Variants in AATK observed in about 807,000 individuals in gnomAD.
AATK encodes lemur tail kinase 1.
Under a neutral mutation model 114.3 loss-of-function variants are expected in AATK, and 91 were observed. The observed-to-expected ratio is 0.80, with a 90% CI of 0.67 to 0.95. The LOEUF is 0.95. Ranked by LOEUF, AATK falls within the 40% of genes least tolerant of loss-of-function variation. AATK has a pLI of 0.00. For synonymous variants in AATK, 1,075 were observed against 916.5 expected (o/e 1.17, Z -3.12); for missense variants, 2,176 against 1,965.2 (o/e 1.11, Z -2.03).
chr17:81,128,017 C>CTTCTCCTCCTGTGCCCCGTCCACT, intron 4 of AATK, 107 bp from the exon 5 acceptor site: 1 of 1,358,012 alleles, frequency 7.4e-7, no homozygotes, highest in Non-Finnish European at 1.0e-6. Context: ...GGACAGGACA[C>CTTCTCCTCCTGTGCCCCGTCCACT]TTCTCCTCCT....
chr17:81,123,112 G>C lies in AATK; in HGVS notation c.1112+82C>G, dbSNP rs972376773. The C allele has an allele frequency of 2.2e-6, 3 of 1,349,084 alleles. No individual in the cohort carries two copies. The African/African-American group carries it at 4.6e-5, about 21-fold the overall frequency. 83.6% of individuals were successfully genotyped at this position (1,349,084 alleles called of 1,614,324 possible). A position where few individuals can be genotyped will look rare whatever the true frequency, so the allele number is the denominator to read the frequency against. On this transcript the variant is annotated intron_variant, in intron 10 of 13. Coordinates refer to ENST00000326724, the MANE Select transcript of AATK (RefSeq NM_001080395.3). Reference sequence around the variant, plus strand: ...CCAGGCAGGGCTGGAACGCCAGGGGGTCAGGGTGAGCCGCCTCTGCCTGGG... The same window carrying C: ...CCAGGCAGGGCTGGAACGCCAGGGGCTCAGGGTGAGCCGCCTCTGCCTGGG...
At chr17:81,148,397 G>A (rs763471777) in intron 1 of AATK, among the ~76,000 whole-genome samples, 3 of 152,130 alleles carry the variant, frequency 2.0e-5, no homozygotes, top group Non-Finnish European at 2.9e-5. Context: ...CAACACCCCC[G>A]GCATCTTGCA....
chr17:81,122,328 C>T lies in AATK; in HGVS notation c.1608G>A (p.Glu536=), dbSNP rs1326375208. 5 of 1,510,160 alleles carry T rather than the reference C, an allele frequency of 3.3e-6. No homozygotes were observed. The highest frequency in any genetic ancestry group is 4.4e-6 in the Non-Finnish European group (5 of 1,134,120). The allele number at this position is 1,510,160 out of a possible 1,614,324, so 93.5% of individuals were successfully genotyped here. Residue 536 remains glutamate (E), a synonymous_variant, in exon 11 of 14, where the codon GAG becomes GAA. Transcript: ENST00000326724. ...GGTCGTGGCCGGCGGCGGGTGCGGC[C>T]TCCTCTAGGCGGATGAAGTACTCGC... ...LGSEYFIRLE[E]AAPAAGHDPD...
chr17:81,121,666 G>A lies in AATK; in HGVS notation c.2270C>T (p.Ala757Val), dbSNP rs917049012. 2.0e-6 allele frequency: 3 copies of A among 1,499,244 alleles called. No individual in the cohort carries two copies. Among genetic ancestry groups the A allele is most frequent in the African/African-American group, 2.8e-5 (2 of 71,842 alleles). The allele number at this position is 1,499,244 out of a possible 1,614,324, so 92.9% of individuals were successfully genotyped here. Residue 757 changes from alanine (A) to valine (V), a missense_variant, in exon 11 of 14, where the codon GCT becomes GTT. Ala to Val is a moderately conservative substitution (Grantham distance 64). Coordinates refer to ENST00000326724, the MANE Select transcript of AATK (RefSeq NM_001080395.3). ...CCAGGAGGGTGTAACCAGGCAGGGAGCAGGTGCCAGGCCCTGGGCAGAGCA... is the reference window on the plus strand; with the variant it reads ...CCAGGAGGGTGTAACCAGGCAGGGAACAGGTGCCAGGCCCTGGGCAGAGCA... ...HLCSAQGLAP[A>V]PCLVTPSWTE...
At chr17:81,164,584 C>T (rs1311344785) in intron 1 of AATK, among the ~76,000 whole-genome samples, 2 of 152,370 alleles carry the variant, frequency 1.3e-5, no homozygotes, top group East Asian at 1.9e-4. Flanking sequence ...GAAAGGGCCT[C>T]TCATGGCCAA....
intron 1 of AATK, among the ~76,000 whole-genome samples, chr17:81,138,623 C>A (rs893135915): frequency 8.2e-5 from 12 of 145,628 alleles, no homozygotes; most frequent in African/African-American, 3.0e-4. Context: ...ACACACATAC[C>A]CACACACATA....
chr17:81,120,860 C>T lies in AATK; in HGVS notation c.3076G>A (p.Gly1026Ser). Residue 1026 changes from glycine (G) to serine (S), a missense_variant, in exon 11 of 14, where the codon GGC becomes AGC. Coordinates refer to ENST00000326724, the MANE Select transcript of AATK (RefSeq NM_001080395.3). ...GGDRAPGPEL[G>S]LPSTGQPSEQ... ...GACGGCTGCCCAGTGCTCGGCAGGC[C>T]CAGCTCTGGCCCGGGGGCTCGGTCC... is the stretch of plus-strand genomic sequence containing the variant. 6.3e-7 allele frequency: 1 copy of T among 1,578,506 alleles called. No homozygotes were observed. Among genetic ancestry groups the T allele is most frequent in the African/African-American group, 1.3e-5 (1 of 74,244 alleles).
Position 81,120,369 on chromosome 17 carries a change from C to G in AATK, c.3567G>C (p.Glu1189Asp), listed in dbSNP as rs774728297. The G allele has an allele frequency of 1.3e-5, 21 of 1,609,192 alleles. No individual in the cohort carries two copies. The highest frequency in any genetic ancestry group is 1.6e-4 in the Middle Eastern group (1 of 6,072). Reference protein sequence around the residue: ...SVQEPSEDSEEEAPAVPVVVA... With the variant: ...SVQEPSEDSEDEAPAVPVVVA... Reference sequence around the variant, plus strand: ...CCACCACGGGCACCGCCGGCGCCTCCTCTTCGCTGTCCTCGCTAGGCTCCT... The same window carrying G: ...CCACCACGGGCACCGCCGGCGCCTCGTCTTCGCTGTCCTCGCTAGGCTCCT... The change falls in exon 11 of 14, where the codon GAG becomes GAC. Residue 1189 changes from glutamate to aspartate, a missense_variant. Coordinates refer to ENST00000326724, the MANE Select transcript of AATK (RefSeq NM_001080395.3).
In AATK at chr17:81,131,047, C is replaced by T. The variant is rs943209704; in HGVS notation, c.334+14G>A. On this transcript the variant is annotated intron_variant, in intron 3 of 13. Coordinates refer to ENST00000326724, the MANE Select transcript of AATK (RefSeq NM_001080395.3). Reference sequence around the variant, plus strand: ...CCGGAGGGAGGCCACCCCATCTCCCCACCCAGCCCTCACCTGAGCGCCCAG... The same window carrying T: ...CCGGAGGGAGGCCACCCCATCTCCCTACCCAGCCCTCACCTGAGCGCCCAG... 137 of 1,547,364 alleles carry T rather than the reference C, an allele frequency of 8.9e-5. No homozygotes were observed. Among genetic ancestry groups the T allele is most frequent in the Non-Finnish European group, 1.1e-4 (126 of 1,147,258 alleles).
chr17:81,122,234 T>C lies in AATK; in HGVS notation c.1702A>G (p.Thr568Ala). 6.7e-7 allele frequency: 1 copy of C among 1,492,626 alleles called. No individual in the cohort carries two copies. Among genetic ancestry groups the C allele is most frequent in the East Asian group, 2.5e-5 (1 of 39,514 alleles). 92.5% of individuals were successfully genotyped at this position (1,492,626 alleles called of 1,614,324 possible). The stretch of plus-strand genomic sequence containing the variant: ...GGCTCCATGGCCAGCGAGGCGGCGG[T>C]GCTGCCGTCAGAGTCGTCGTCCTGG... ...ADQDDDSDGS[T>A]AASLAMEPLL... Residue 568 changes from threonine (T) to alanine (A), a missense_variant, in exon 11 of 14, where the codon ACC (threonine) becomes GCC (alanine). Around this residue, in one of 4 missense-constraint regions of AATK, gnomAD observed 1,701 missense variants for 1,394.7 expected, o/e 1.22. Transcript: ENST00000326724.
intron 1 of AATK, among the ~76,000 whole-genome samples, chr17:81,140,978 GGACTGTGA>G (rs2061128329): frequency 6.7e-6 from 1 of 149,368 alleles, no homozygotes; most frequent in African/African-American, 2.5e-5. Context: ...GGGGCCGTGG[GGACTGTGA>G]ACTGTGGGGC....
At position 81,122,547 on chromosome 17, in the gene AATK, G is replaced by T; in HGVS notation, c.1389C>A (p.Asp463Glu). The T allele has an allele frequency of 6.8e-7, 1 of 1,476,720 alleles. No homozygotes were observed. 91.5% of individuals were successfully genotyped at this position (1,476,720 alleles called of 1,614,324 possible). Residue 463 changes from aspartate (D) to glutamate (E), a missense_variant, in exon 11 of 14, where the codon GAC becomes GAA. This residue lies in a region of AATK where 1,701 missense variants were observed against 1,394.7 expected (regional missense o/e 1.22). Coordinates refer to ENST00000326724, the MANE Select transcript of AATK (RefSeq NM_001080395.3). ...FAGDGFHADG[D>E]DVLTVTETSR... ...TGGTCTCGGTCACCGTCAGCACGTCGTCGCCGTCCGCGTGGAAGCCGTCGC... is the reference window on the plus strand; with the variant it reads ...TGGTCTCGGTCACCGTCAGCACGTCTTCGCCGTCCGCGTGGAAGCCGTCGC...
chr17:81,160,174 G>A (rs1218990163), intron 1 of AATK: 1 of 822,042 alleles, frequency 1.2e-6, no homozygotes, highest in East Asian at 1.3e-4. Context: ...CCTGGCCACG[G>A]CCCCCACCCC....
rs1568215627 is a variant in AATK, at chr17:81,119,185, CAGG to C, written c.4084+192_4084+194del. On this transcript the variant is annotated intron_variant, in intron 13 of 13. Coordinates refer to ENST00000326724, the MANE Select transcript of AATK (RefSeq NM_001080395.3). ...GGTCAGGTGAGGGTCAGGTGAGGGT[CAGG>C]TGAGGGCCAGGCGAGGGCCAGGCGG... Among the ~76,000 whole-genome samples, 129 of 132,664 alleles carry C rather than the reference CAGG, an allele frequency of 9.7e-4. 1 individual carries two copies. The highest frequency in any genetic ancestry group is 8.1e-3 in the Middle Eastern group (2 of 248). The allele number at this position is 132,664 out of a possible 152,430, so 87.0% of individuals were successfully genotyped here. A position where few individuals can be genotyped will look rare whatever the true frequency, so the allele number is the denominator to read the frequency against.
intron 1 of AATK, among the ~76,000 whole-genome samples, chr17:81,162,405 C>G (rs2061437834): frequency 6.6e-6 from 1 of 152,160 alleles, no homozygotes; most frequent in Non-Finnish European, 1.5e-5. Flanking sequence ...TGCTTGCTGC[C>G]TGAGCCTGAG....
At chr17:81,149,567 G>A (rs1022624587) in intron 1 of AATK, among the ~76,000 whole-genome samples, 10 of 152,064 alleles carry the variant, frequency 6.6e-5, no homozygotes, top group Admixed American at 5.2e-4. Flanking sequence ...GATCTGCAGC[G>A]TCACCCACCA....
In AATK at chr17:81,123,246, G is replaced by A; in HGVS notation, c.1060C>T (p.Gln354Ter). Residue 354 changes from glutamine (Q) to a stop codon, truncating the protein, a stop_gained, in exon 10 of 14, where the codon CAG becomes TAG. Transcript: ENST00000326724. LOFTEE classifies it high-confidence loss of function. ...QQVLAYTVRE[Q>*]QLKLPKPQLQ... The stretch of plus-strand genomic sequence containing the variant: ...TGGGGCTTGGGCAGCTTGAGCTGCT[G>A]CTCCCGGACCGTGTACGCCAGCACC... 7.1e-7 allele frequency: 1 copy of A among 1,413,100 alleles called. No individual in the cohort carries two copies. Among genetic ancestry groups the A allele is most frequent in the Non-Finnish European group, 9.2e-7 (1 of 1,083,314 alleles). 87.5% of individuals were successfully genotyped at this position (1,413,100 alleles called of 1,614,324 possible). A position where few individuals can be genotyped will look rare whatever the true frequency, so the allele number is the denominator to read the frequency against.
intron 1 of AATK, among the ~76,000 whole-genome samples, chr17:81,155,902 G>A (rs1256869851): frequency 1.3e-5 from 2 of 150,922 alleles, no homozygotes; most frequent in Non-Finnish European, 3.0e-5. Context: ...AGCTGGCCTT[G>A]AACTCCTGGG....
At chr17:81,124,296 A>T (rs2060759262) in intron 9 of AATK, among the ~76,000 whole-genome samples, 1 of 152,164 alleles carries the variant, frequency 6.6e-6, no homozygotes, top group East Asian at 1.9e-4. Flanking sequence ...GCTCCGGGCT[A>T]GGCACTCAGG....
Sources: gnomAD v4.1 joint callset for allele counts (sites outside exome capture counted in the v4.1 genomes callset) on GRCh38, gnomAD v4.1.1 for gene constraint, gnomAD v4.1.1 regional missense constraint, MANE v1.5 for transcripts, NCBI Gene and HGNC (gene_info 2026-07-23, HGNC 2026-07-21) for gene names.